The following DENND2A variants were observed in gnomAD, a reference collection of about 807,000 sequenced individuals.
DENND2A encodes the protein DENN domain-containing protein 2A.
Under a neutral mutation model 105.3 loss-of-function variants are expected in DENND2A, and 53 were observed. The ratio of observed to expected loss-of-function variants is 0.50; its 90% CI spans 0.40 to 0.63. The LOEUF is 0.63. Ranked by LOEUF, DENND2A falls within the 30% of genes least tolerant of loss-of-function variation. The probability of loss-of-function intolerance (pLI) is 0.00; values close to 1 mark genes in which losing one functional copy is unlikely to be tolerated. For synonymous variants in DENND2A, 522 were observed against 508.4 expected, an observed-to-expected ratio of 1.03 and a Z score of -0.36; for missense variants, 1,138 against 1,279.6, an observed-to-expected ratio of 0.89 and a Z score of 1.69.
chr7:140,639,979 G>T (rs7777655), intron 1 of DENND2A, among the ~76,000 whole-genome samples: 9,720 of 152,298 alleles, frequency 0.064, 984 homozygotes, highest in African/African-American at 0.22. Flanking sequence ...GGACAAAGTG[G>T]AAGAAGTAAG....
chr7:140,561,432 T>C (rs964064095), intron 9 of DENND2A, among the ~76,000 whole-genome samples: 1 of 151,986 alleles, frequency 6.6e-6, no homozygotes, highest in African/African-American at 2.4e-5. Flanking sequence ...ATATCTGAGG[T>C]TAGGAATTTA....
At chr7:140,585,568 C>T in intron 5 of DENND2A, 21 bp downstream of exon 5, 2 of 1,613,818 alleles carry the variant, frequency 1.2e-6, no homozygotes, top group Middle Eastern at 1.7e-4. Flanking sequence ...TCTCCTGCCA[C>T]CATTCCCAGG....
At chr7:140,598,399 G>C (rs1395942353) in intron 3 of DENND2A, among the ~76,000 whole-genome samples, 1 of 152,146 alleles carries the variant, frequency 6.6e-6, no homozygotes, top group African/African-American at 2.4e-5. Flanking sequence ...TTAAAGTTAG[G>C]GGCGAAGTAA....
At chr7:140,519,543 C>A in intron 19 of DENND2A, 89 bp downstream of exon 19, 2 of 1,140,524 alleles carry the variant, frequency 1.8e-6, no homozygotes, top group East Asian at 4.7e-5. Flanking sequence ...TTATTCAGGG[C>A]GCTGGCTCCA....
At chr7:140,544,958 G>A (rs1204356442) in intron 13 of DENND2A, 192 bp from the exon 14 acceptor site, 1 of 779,650 alleles carries the variant, frequency 1.3e-6, no homozygotes, top group African/African-American at 1.9e-5. Context: ...GGCGGAGGAG[G>A]TAGCTTTGGT....
rs1797874731 is a variant in DENND2A, at chr7:140,567,213, G to A, written c.1652C>T (p.Ser551Leu). Residue 551 changes from serine to leucine, a missense_variant, in exon 9 of 20, where the codon TCA (serine) becomes TTA (leucine). Around this residue, in one of 2 missense-constraint regions of DENND2A, gnomAD observed 627 missense variants for 779.8 expected, o/e 0.80. Coordinates refer to ENST00000496613, the MANE Select transcript of DENND2A (RefSeq NM_015689.5). ...SRLKQAPRYPSLARELIEYQE... is the reference protein window; with the variant it reads ...SRLKQAPRYPLLARELIEYQE... Reference sequence around the variant, plus strand: ...GTACTCGATGAGTTCCCGGGCAAGTGATGGGTACCGAGGCGCCTGCTTCAG... The same window carrying A: ...GTACTCGATGAGTTCCCGGGCAAGTAATGGGTACCGAGGCGCCTGCTTCAG... 1.2e-6 allele frequency: 2 copies of A among 1,613,794 alleles called. No homozygotes were observed. Among genetic ancestry groups the A allele is most frequent in the Non-Finnish European group, 1.7e-6 (2 of 1,179,942 alleles).
intron 14 of DENND2A, among the ~76,000 whole-genome samples, chr7:140,536,308 T>C (rs1796453391): frequency 6.6e-6 from 1 of 150,910 alleles, no homozygotes; most frequent in Non-Finnish European, 1.5e-5. Context: ...TGAGCCGAGA[T>C]CATGCCACTG....
At position 140,559,471 on chromosome 7, in the gene DENND2A, G is replaced by A. The variant is rs953675351; in HGVS notation, c.1889+237C>T. Among the ~76,000 whole-genome samples the A allele has an allele frequency of 6.6e-6, 1 of 152,142 alleles. No individual in the cohort carries two copies. Among genetic ancestry groups the A allele is most frequent in the Non-Finnish European group, 1.5e-5 (1 of 68,038 alleles). ...TTTCCCAGGCTAAGAATTATCTTCC[G>A]GGAGGCTTCTGAAACAAGTATCCCC... On this transcript the variant is annotated intron_variant, in intron 10 of 19. Coordinates refer to ENST00000496613, the MANE Select transcript of DENND2A (RefSeq NM_015689.5). This position sits in a 1 kb window ranked among gnomAD's most constrained non-coding sequence, Gnocchi z 4.1.
chr7:140,583,783 A>G (rs994041780), intron 5 of DENND2A, among the ~76,000 whole-genome samples: 24 of 149,076 alleles, frequency 1.6e-4, no homozygotes, highest in East Asian at 9.7e-4. Flanking sequence ...AAAATTAGCC[A>G]GGCGTGGTGG....
intron 3 of DENND2A, 54 bp downstream of exon 3, chr7:140,601,348 CA>C: frequency 1.3e-6 from 2 of 1,523,920 alleles, no homozygotes; most frequent in Non-Finnish European, 1.8e-6. Flanking sequence ...TGATGGGACA[CA>C]AACCACTGAG....
At chr7:140,548,720 T>C (rs978664212) in intron 12 of DENND2A, among the ~76,000 whole-genome samples, 3 of 151,010 alleles carry the variant, frequency 2.0e-5, no homozygotes, top group Non-Finnish European at 4.4e-5. Flanking sequence ...TTCAAGCAAT[T>C]CTCCTGCCTC....
intron 1 of DENND2A, among the ~76,000 whole-genome samples, chr7:140,617,410 C>T (rs1256398428): frequency 6.6e-6 from 1 of 152,166 alleles, no homozygotes; most frequent in Non-Finnish European, 1.5e-5. Flanking sequence ...AATACTCAGT[C>T]ATTGACAATA....
chr7:140,529,186 C>T (rs752693904), intron 14 of DENND2A, among the ~76,000 whole-genome samples: 30 of 152,162 alleles, frequency 2.0e-4, no homozygotes, highest in Non-Finnish European at 3.7e-4. Context: ...AGGCTGGGTG[C>T]GGTGGCTGAC....
At chr7:140,570,335 T>C (rs1798041256) in intron 6 of DENND2A, among the ~76,000 whole-genome samples, 1 of 152,164 alleles carries the variant, frequency 6.6e-6, no homozygotes, top group Non-Finnish European at 1.5e-5. Flanking sequence ...CCATTGCTCA[T>C]GATGCGATGG....
intron 3 of DENND2A, among the ~76,000 whole-genome samples, chr7:140,595,585 A>T (rs1313937326): frequency 6.6e-6 from 1 of 152,104 alleles, no homozygotes; most frequent in Non-Finnish European, 1.5e-5. Context: ...CCTGGGCAAC[A>T]TAGCAAAACC....
At chr7:140,532,109 A>G (rs571410253) in intron 14 of DENND2A, among the ~76,000 whole-genome samples, 1 of 151,830 alleles carries the variant, frequency 6.6e-6, no homozygotes, top group African/African-American at 2.4e-5. Flanking sequence ...CTGAAAATAC[A>G]AAAAAATTAG....
intron 4 of DENND2A, among the ~76,000 whole-genome samples, chr7:140,587,423 C>A (rs1162960808): frequency 1.3e-5 from 2 of 152,124 alleles, no homozygotes; most frequent in Non-Finnish European, 2.9e-5. Flanking sequence ...GCCTCCTTGG[C>A]CACTCATTAC....
chr7:140,536,403 A>G (rs1585573318), intron 14 of DENND2A, among the ~76,000 whole-genome samples: 1 of 151,986 alleles, frequency 6.6e-6, no homozygotes, highest in East Asian at 1.9e-4. Flanking sequence ...AGAGGTTTCC[A>G]GTGGCTGCAG....
At chr7:140,630,364 G>T (rs1264767358) in intron 1 of DENND2A, among the ~76,000 whole-genome samples, 1 of 152,092 alleles carries the variant, frequency 6.6e-6, no homozygotes, top group Non-Finnish European at 1.5e-5. Context: ...AACTAGACAG[G>T]GAGTTCTAGT....
Sources: allele counts gnomAD v4.1 joint callset (sites outside exome capture counted in the v4.1 genomes callset), GRCh38; gene constraint gnomAD v4.1.1; regional missense constraint gnomAD v4.1.1; non-coding constraint Gnocchi (gnomAD v3.1); transcripts MANE v1.5; gene names NCBI Gene and HGNC (gene_info 2026-07-23, HGNC 2026-07-21).